Variants in GPC5 observed in about 807,000 individuals in gnomAD.
GPC5 encodes the protein glypican 5, also known as glypican-5.
A neutral mutation model predicts 53.9 loss-of-function variants in GPC5; 47 were observed. The ratio of observed to expected loss-of-function variants is 0.87; its 90% CI spans 0.69 to 1.11. The LOEUF is 1.11. GPC5 is among the 50% of genes most tolerant of loss of function. GPC5 has a pLI of 0.00. For missense variants in GPC5, 748 were observed against 713.1 expected (o/e 1.05, Z -0.56); for synonymous variants, 286 against 263.3 (o/e 1.09, Z -0.84).
chr13:92,363,245 A>T (rs1205480356), intron 7 of GPC5, among the ~76,000 whole-genome samples: 3 of 151,666 alleles, frequency 2.0e-5, no homozygotes, highest in Non-Finnish European at 4.4e-5. Context: ...CTAGAGTAAA[A>T]ATCTTGTAAT....
chr13:92,164,007 C>T (rs2042009514), intron 7 of GPC5, among the ~76,000 whole-genome samples: 1 of 152,104 alleles, frequency 6.6e-6, no homozygotes, highest in African/African-American at 2.4e-5. Context: ...CATCAGATCT[C>T]AAGAGAACTC....
intron 7 of GPC5, among the ~76,000 whole-genome samples, chr13:92,391,435 T>G (rs1014609451): frequency 1.3e-5 from 2 of 152,122 alleles, no homozygotes; most frequent in Non-Finnish European, 2.9e-5. Flanking sequence ...TGTAAGATGA[T>G]TTAAAATTTT....
intron 5 of GPC5, among the ~76,000 whole-genome samples, chr13:91,903,225 T>C (rs2039517210): frequency 6.6e-6 from 1 of 152,106 alleles, no homozygotes; most frequent in Non-Finnish European, 1.5e-5. Flanking sequence ...ATTCAATATT[T>C]AGTTTATAAG....
At chr13:92,089,644 G>A (rs1239034539) in intron 6 of GPC5, among the ~76,000 whole-genome samples, 2 of 152,044 alleles carry the variant, frequency 1.3e-5, no homozygotes, top group African/African-American at 4.8e-5. Flanking sequence ...AAATTCTACA[G>A]TGTGATAGAA....
chr13:91,559,096 G>A (rs2031118122), intron 2 of GPC5, among the ~76,000 whole-genome samples: 1 of 151,964 alleles, frequency 6.6e-6, no homozygotes, highest in South Asian at 2.1e-4. Context: ...TAAAAAGATT[G>A]GAATTTGGGA....
chr13:92,132,228 T>C (rs1053351423), intron 6 of GPC5, among the ~76,000 whole-genome samples: 1 of 152,134 alleles, frequency 6.6e-6, no homozygotes, highest in African/African-American at 2.4e-5. Flanking sequence ...AAAAGAGGCT[T>C]CTGAGGTGCT....
chr13:92,216,755 G>A (rs553737895), intron 7 of GPC5, among the ~76,000 whole-genome samples: 4 of 152,132 alleles, frequency 2.6e-5, no homozygotes, highest in East Asian at 1.9e-4. Flanking sequence ...CAAGGTGGGC[G>A]GACCACCTGA....
chr13:92,332,543 G>A (rs192005884), intron 7 of GPC5, among the ~76,000 whole-genome samples: 98 of 152,222 alleles, frequency 6.4e-4, no homozygotes, highest in East Asian at 5.6e-3. Context: ...ATGGGAACAA[G>A]TACTCAATAG....
At chr13:91,628,512 A>G (rs71447384) in intron 2 of GPC5, among the ~76,000 whole-genome samples, 4 of 130,960 alleles carry the variant, frequency 3.1e-5, no homozygotes, top group East Asian at 2.1e-4. Flanking sequence ...CTATCTCTCT[A>G]TCTATCTGTC....
At chr13:92,392,556 A>T (rs1162967184) in intron 7 of GPC5, among the ~76,000 whole-genome samples, 2 of 152,224 alleles carry the variant, frequency 1.3e-5, no homozygotes, top group African/African-American at 4.8e-5. Context: ...GACAAGTGGG[A>T]TCTAATTCAC....
chr13:91,823,412 C>A (rs1168721841), intron 5 of GPC5, among the ~76,000 whole-genome samples: 1 of 151,998 alleles, frequency 6.6e-6, no homozygotes, highest in Admixed American at 6.6e-5. Flanking sequence ...AAATATGGAT[C>A]AACAGACTCC....
At chr13:92,774,188 T>A (rs1250915782) in intron 7 of GPC5, among the ~76,000 whole-genome samples, 1 of 152,168 alleles carries the variant, frequency 6.6e-6, no homozygotes, top group Non-Finnish European at 1.5e-5. Context: ...CCCTTCAAAG[T>A]CCCTCACAGC....
chr13:92,394,161 C>T, intron 7 of GPC5, among the ~76,000 whole-genome samples: 1 of 152,010 alleles, frequency 6.6e-6, no homozygotes, highest in East Asian at 1.9e-4. Flanking sequence ...AATTTAGGAC[C>T]TCCAAAGATT....
At chr13:92,829,134 G>A (rs1024311546) in intron 7 of GPC5, among the ~76,000 whole-genome samples, 1 of 152,102 alleles carries the variant, frequency 6.6e-6, no homozygotes, top group African/African-American at 2.4e-5. Flanking sequence ...GCAAAGCACT[G>A]CAGCCATGCT....
At chr13:92,781,666 A>G (rs903260421) in intron 7 of GPC5, among the ~76,000 whole-genome samples, 4 of 152,200 alleles carry the variant, frequency 2.6e-5, no homozygotes, top group Non-Finnish European at 5.9e-5. Context: ...TGTGTGTTAA[A>G]TATGATCATG....
chr13:91,488,515 A>T (rs1883744462), intron 2 of GPC5, among the ~76,000 whole-genome samples: 3 of 152,214 alleles, frequency 2.0e-5, no homozygotes, highest in African/African-American at 7.2e-5. Flanking sequence ...TCCCCAAATT[A>T]ATACTTTTAT....
chr13:91,561,848 G>T (rs1251208283), intron 2 of GPC5, among the ~76,000 whole-genome samples: 4 of 152,058 alleles, frequency 2.6e-5, no homozygotes, highest in Admixed American at 1.3e-4. Context: ...AAATCAACAT[G>T]GTACCTAGTA....
chr13:92,333,324 T>A (rs1283974992), intron 7 of GPC5, among the ~76,000 whole-genome samples: 1 of 152,130 alleles, frequency 6.6e-6, no homozygotes, highest in Non-Finnish European at 1.5e-5. Context: ...TTAGAAAGGT[T>A]TGCACTCAGA....
rs1440395882 is a variant in GPC5 at position 92,004,489 on chromosome 13, T to TATATATATATAA, written c.1401+96433_1401+96434insTATATATATAAA. 7.4e-3 allele frequency among the ~76,000 whole-genome samples: 905 copies of TATATATATATAA among 122,632 alleles called. 56 individuals are homozygous for TATATATATATAA. Among genetic ancestry groups the TATATATATATAA allele is most frequent in the African/African-American group, 0.029 (834 of 28,736 alleles). 80.5% of individuals were successfully genotyped at this position (122,632 alleles called of 152,430 possible). A position where few individuals can be genotyped will look rare whatever the true frequency, so the allele number is the denominator to read the frequency against. On this transcript the variant is annotated intron_variant, in intron 6 of 7. Transcript: ENST00000377067. ...ATATATATATATATATATATATATA[T>TATATATATATAA]AATTACACTATAGCTTTTCATGCAA...
Sources: allele counts gnomAD v4.1 joint callset (sites outside exome capture counted in the v4.1 genomes callset), GRCh38; gene constraint gnomAD v4.1.1; transcripts MANE v1.5; gene names NCBI Gene and HGNC (gene_info 2026-07-23, HGNC 2026-07-21).